CPED1: variants seen among roughly 807,000 people sequenced by gnomAD.
CPED1 encodes the protein cadherin-like and PC-esterase domain-containing protein 1.
A neutral mutation model predicts 128.2 loss-of-function variants in CPED1; 114 were observed. The observed-to-expected ratio is 0.89, with a 90% CI of 0.76 to 1.04. The LOEUF (loss-of-function observed/expected upper bound fraction) is 1.04, where lower values mean the gene tolerates loss of function less well. CPED1 is among the 50% of genes least tolerant of loss of function. The probability of loss-of-function intolerance (pLI) is 0.00; values close to 1 mark genes in which losing one functional copy is unlikely to be tolerated. For synonymous variants in CPED1, 462 were observed against 426.7 expected, an observed-to-expected ratio of 1.08 and a Z score of -1.02; for missense variants, 1,211 against 1,207.1, an observed-to-expected ratio of 1.00 and a Z score of -0.05.
chr7:121,288,161 A>G (rs1313551375), intron 22 of CPED1, among the ~76,000 whole-genome samples: 2 of 152,242 alleles, frequency 1.3e-5, no homozygotes, highest in Non-Finnish European at 2.9e-5. Context: ...CCTGGATTCA[A>G]TTCACAATGG....
At chr7:121,158,902 T>C (rs10243808) in intron 16 of CPED1, among the ~76,000 whole-genome samples, 150,915 of 152,260 alleles carry the variant, frequency 0.99, 74,810 homozygotes, top group Middle Eastern at 1. Context: ...ATAATGTTTT[T>C]CATGTTAAGA....
chr7:121,287,755 G>A (rs1455041383), intron 22 of CPED1, among the ~76,000 whole-genome samples: 3 of 151,974 alleles, frequency 2.0e-5, no homozygotes, highest in South Asian at 2.1e-4. Context: ...TAATTAACTC[G>A]GGAAGATTTG....
chr7:121,049,544 G>A (rs1256888456), intron 4 of CPED1, among the ~76,000 whole-genome samples: 10 of 152,190 alleles, frequency 6.6e-5, no homozygotes, highest in African/African-American at 2.2e-4. Flanking sequence ...AGCCTCCTGG[G>A]GGACAGAGCA....
At chr7:121,024,637 C>T (rs927207224) in intron 3 of CPED1, among the ~76,000 whole-genome samples, 5 of 152,114 alleles carry the variant, frequency 3.3e-5, no homozygotes, top group Non-Finnish European at 5.9e-5. Context: ...AAAAATGCAG[C>T]ATTGAAAATT....
chr7:121,104,797 T>C (rs1794932431), intron 7 of CPED1, among the ~76,000 whole-genome samples: 1 of 152,120 alleles, frequency 6.6e-6, no homozygotes, highest in African/African-American at 2.4e-5. Context: ...AAATTTTAAC[T>C]GCATGAAGAA....
At chr7:121,149,340 A>G (rs1339474817) in intron 16 of CPED1, among the ~76,000 whole-genome samples, 1 of 152,212 alleles carries the variant, frequency 6.6e-6, no homozygotes, top group Non-Finnish European at 1.5e-5. Context: ...GCAAGCAAAG[A>G]TCAGAGTGGC....
intron 7 of CPED1, among the ~76,000 whole-genome samples, chr7:121,115,645 T>G (rs1795218848): frequency 6.6e-6 from 1 of 152,180 alleles, no homozygotes; most frequent in South Asian, 2.1e-4. Context: ...ATTTGCAAAT[T>G]TTTGTACTGC....
At chr7:121,059,491 C>A (rs749872925) in intron 4 of CPED1, among the ~76,000 whole-genome samples, 4 of 152,120 alleles carry the variant, frequency 2.6e-5, no homozygotes, top group Admixed American at 2.6e-4. Context: ...GAGCATTTCT[C>A]TAAAATGCAA....
intron 3 of CPED1, among the ~76,000 whole-genome samples, chr7:121,042,218 C>A (rs12537243): frequency 0.07 from 10,638 of 151,726 alleles, 511 homozygotes; most frequent in Non-Finnish European, 0.11. Flanking sequence ...TGAGTACCTG[C>A]GAGGTAAGTA....
intron 15 of CPED1, 100 bp downstream of exon 15, chr7:121,141,113 C>T: frequency 1.1e-6 from 1 of 910,304 alleles, no homozygotes; most frequent in Non-Finnish European, 1.6e-6. Flanking sequence ...TTCATAAGAT[C>T]AGTTGAAAGA....
At chr7:121,169,575 C>A (rs1796605538) in intron 16 of CPED1, among the ~76,000 whole-genome samples, 1 of 152,082 alleles carries the variant, frequency 6.6e-6, no homozygotes, top group African/African-American at 2.4e-5. Flanking sequence ...TGAAGAATAT[C>A]ATCAAATTTT....
At chr7:121,103,125 C>T (rs1051974948) in intron 7 of CPED1, among the ~76,000 whole-genome samples, 1 of 152,042 alleles carries the variant, frequency 6.6e-6, no homozygotes, top group Admixed American at 6.6e-5. Flanking sequence ...TCCTTGTGAT[C>T]TGGTTTTCTT....
chr7:121,002,736 A>G (rs1585011113), intron 2 of CPED1, among the ~76,000 whole-genome samples: 1 of 152,306 alleles, frequency 6.6e-6, no homozygotes, highest in East Asian at 1.9e-4. Flanking sequence ...CTGAGAGCAG[A>G]TAAACTGTAT....
intron 5 of CPED1, among the ~76,000 whole-genome samples, chr7:121,075,940 C>A (rs1402040375): frequency 2.6e-5 from 4 of 152,080 alleles, no homozygotes; most frequent in Non-Finnish European, 4.4e-5. Context: ...ATTAGTGAAC[C>A]CATGCAGTTC....
intron 16 of CPED1, among the ~76,000 whole-genome samples, chr7:121,174,446 C>G (rs954116690): frequency 6.6e-6 from 1 of 151,594 alleles, no homozygotes; most frequent in Non-Finnish European, 1.5e-5. Context: ...ATATGGGTAG[C>G]AGTTATCCTT....
intron 11 of CPED1, 76 bp from the exon 12 acceptor site, chr7:121,130,049 A>G: frequency 9.1e-7 from 1 of 1,102,760 alleles, no homozygotes; most frequent in Admixed American, 2.4e-5. Flanking sequence ...ATAAATGACT[A>G]AGTATAAGGC....
At position 121,015,671 on chromosome 7, in the gene CPED1, G is replaced by T. The variant is rs908079023; in HGVS notation, c.256G>T (p.Glu86Ter). 2 of 1,595,840 alleles carry T rather than the reference G, an allele frequency of 1.3e-6. No individual in the cohort carries two copies. The highest frequency in any genetic ancestry group is 1.7e-6 in the Non-Finnish European group (2 of 1,173,912). The change falls in exon 3 of 23, where the codon GAA becomes TAA. Residue 86 changes from glutamate to a stop codon, truncating the protein, a stop_gained. Coordinates refer to ENST00000310396, the MANE Select transcript of CPED1 (RefSeq NM_024913.5). LOFTEE classifies it high-confidence loss of function. ...TTATGCCTTCTTTTCTTAGGTCAAA[G>T]AATCAATGGAGACACACTTTGGCAG... ...GNAQETRKVK[E>*]SMETHFGSHG...
chr7:121,001,682 C>T (rs1385479170), intron 2 of CPED1, among the ~76,000 whole-genome samples: 1 of 152,076 alleles, frequency 6.6e-6, no homozygotes, highest in East Asian at 1.9e-4. Flanking sequence ...CCTGCCGTGA[C>T]CCATTCAGCC....
At chr7:121,294,098 G>T (rs1232899704) in intron 22 of CPED1, among the ~76,000 whole-genome samples, 2 of 151,812 alleles carry the variant, frequency 1.3e-5, no homozygotes, top group African/African-American at 2.4e-5. Context: ...GTTCTCTAGA[G>T]CTAACAACCT....
Sources: allele counts gnomAD v4.1 joint callset (sites outside exome capture counted in the v4.1 genomes callset), GRCh38; gene constraint gnomAD v4.1.1; transcripts MANE v1.5; gene names NCBI Gene and HGNC (gene_info 2026-07-23, HGNC 2026-07-21).